ASAP1: variants seen among roughly 807,000 people sequenced by gnomAD.
The protein encoded by ASAP1 is arf-GAP with SH3 domain, ANK repeat and PH domain-containing protein 1.
ASAP1 carries 43 observed loss-of-function variants against 145.2 expected under a neutral mutation model. That is an observed-to-expected ratio of 0.30 (90% CI 0.23 to 0.38). ASAP1 has a LOEUF of 0.38. ASAP1 is among the 10% of genes least tolerant of loss of function. The pLI, the probability that ASAP1 is intolerant of heterozygous loss-of-function variation, is 1.00. For missense variants in ASAP1, 1,018 were observed against 1,355.3 expected (o/e 0.75, Z 3.91); for synonymous variants, 546 against 515.5 (o/e 1.06, Z -0.80).
intron 4 of ASAP1, among the ~76,000 whole-genome samples, chr8:130,219,944 C>A (rs1358961205): frequency 1.3e-5 from 2 of 152,158 alleles, no homozygotes; most frequent in Admixed American, 6.5e-5. Flanking sequence ...CACATGCCAT[C>A]ATGACCGGCT....
rs1451646198 is a variant in ASAP1, at chr8:130,092,741, C to T, written c.2402-598G>A. On this transcript the variant is annotated intron_variant, in intron 24 of 29. Transcript: ENST00000518721. Reference sequence around the variant, plus strand: ...ACAAACACACACACACATCTTAAAACAATAACTCCTTATAACCATCACAGA... The same window carrying T: ...ACAAACACACACACACATCTTAAAATAATAACTCCTTATAACCATCACAGA... 2.6e-5 allele frequency among the ~76,000 whole-genome samples: 4 copies of T among 152,034 alleles called. No homozygotes were observed. The East Asian group carries it at 7.7e-4, about 29-fold the overall frequency.
intron 26 of ASAP1, 124 bp from the exon 27 acceptor site, chr8:130,076,530 CTT>C: frequency 1.3e-6 from 1 of 755,914 alleles, no homozygotes; most frequent in Non-Finnish European, 2.1e-6. Context: ...TCAAAATTTC[CTT>C]TTTTTTTGAG....
chr8:130,384,080 A>T (rs1827901569), intron 2 of ASAP1, among the ~76,000 whole-genome samples: 1 of 152,178 alleles, frequency 6.6e-6, no homozygotes, highest in African/African-American at 2.4e-5. Context: ...TGTAGGATTA[A>T]ATGTGCTACT....
chr8:130,141,692 G>A (rs76746423), intron 13 of ASAP1, among the ~76,000 whole-genome samples: 3,088 of 152,034 alleles, frequency 0.02, 49 homozygotes, highest in East Asian at 0.064. Flanking sequence ...CACTATATGC[G>A]CACGCTACCA....
chr8:130,207,181 G>T (rs558390591), intron 5 of ASAP1, among the ~76,000 whole-genome samples: 1 of 152,114 alleles, frequency 6.6e-6, no homozygotes, highest in South Asian at 2.1e-4. Context: ...TGGAAGGAAT[G>T]GAATCTATAA....
At position 130,128,105 on chromosome 8, in the gene ASAP1, A is replaced by G; in HGVS notation, c.1218-15T>C. On this transcript the variant is annotated splice_polypyrimidine_tract_variant and intron_variant, in intron 15 of 29. Transcript: ENST00000518721. ...CTGATATCCATCTGTTGGTAAAAAC[A>G]TAAGAGGAAAAAAGTCTTTATAAGA... 30 of 1,492,316 alleles carry G rather than the reference A, an allele frequency of 2.0e-5. No homozygotes were observed. The highest frequency in any genetic ancestry group is 2.6e-5 in the Non-Finnish European group (29 of 1,120,400). The allele number at this position is 1,492,316 out of a possible 1,614,324, so 92.4% of individuals were successfully genotyped here.
At chr8:130,097,637 G>A (rs1392446710) in intron 24 of ASAP1, among the ~76,000 whole-genome samples, 4 of 152,238 alleles carry the variant, frequency 2.6e-5, no homozygotes, top group Admixed American at 2.0e-4. Context: ...CACCCAGGCA[G>A]TGTATTGCAG....
intron 3 of ASAP1, among the ~76,000 whole-genome samples, chr8:130,269,304 A>G (rs1319634230): frequency 1.3e-5 from 2 of 152,186 alleles, no homozygotes; most frequent in African/African-American, 4.8e-5. Flanking sequence ...ACCCAGAGAG[A>G]GAAGGCCAAT....
At chr8:130,363,283 T>C (rs1379202343) in intron 2 of ASAP1, among the ~76,000 whole-genome samples, 1 of 152,168 alleles carries the variant, frequency 6.6e-6, no homozygotes, top group East Asian at 1.9e-4. Context: ...CCCAACTACT[T>C]GGGAGGCTGA....
chr8:130,075,461 G>A (rs952921925), intron 27 of ASAP1, among the ~76,000 whole-genome samples: 1 of 152,142 alleles, frequency 6.6e-6, no homozygotes, highest in Non-Finnish European at 1.5e-5. Flanking sequence ...ACTAGGCAAC[G>A]GAGCACTAGA....
chr8:130,228,700 T>TA (rs34562395), intron 4 of ASAP1, among the ~76,000 whole-genome samples: 1,503 of 129,094 alleles, frequency 0.012, 29 homozygotes, highest in African/African-American at 0.04. Context: ...GACCCTGTCT[T>TA]AAAAAAAAAA....
intron 3 of ASAP1, among the ~76,000 whole-genome samples, chr8:130,327,224 CTGGTGAT>C (rs1565211687): frequency 6.6e-6 from 1 of 152,214 alleles, no homozygotes; most frequent in Non-Finnish European, 1.5e-5. Context: ...ATGTGAACAG[CTGGTGAT>C]ACTATGGCCC....
intron 15 of ASAP1, among the ~76,000 whole-genome samples, chr8:130,131,037 G>A (rs1474649822): frequency 1.3e-5 from 2 of 152,112 alleles, no homozygotes; most frequent in Non-Finnish European, 2.9e-5. Context: ...CGCGCCTGTA[G>A]TTCCAGGTAC....
intron 27 of ASAP1, among the ~76,000 whole-genome samples, chr8:130,073,117 T>G (rs766493240): frequency 1.3e-5 from 2 of 150,772 alleles, no homozygotes; most frequent in Non-Finnish European, 3.0e-5. Flanking sequence ...AATACTTTGG[T>G]AGGAGATAGA....
At chr8:130,141,736 G>C (rs1247843269) in intron 13 of ASAP1, among the ~76,000 whole-genome samples, 1 of 152,032 alleles carries the variant, frequency 6.6e-6, no homozygotes, top group Admixed American at 6.6e-5. Flanking sequence ...GTATTTTTTA[G>C]AGACAGGATT....
chr8:130,105,258 T>C (rs1746888669), intron 24 of ASAP1, among the ~76,000 whole-genome samples: 1 of 152,196 alleles, frequency 6.6e-6, no homozygotes, highest in African/African-American at 2.4e-5. Context: ...AGCAACCATT[T>C]ACATAGCATT....
chr8:130,074,440 AACACACACACACACACACAC>A (rs57005471), intron 27 of ASAP1, among the ~76,000 whole-genome samples: 14 of 119,236 alleles, frequency 1.2e-4, no homozygotes, highest in East Asian at 8.9e-4. Flanking sequence ...CCAAATAGTA[AACACACACACACACACACAC>A]ACACACACAC....
At chr8:130,273,540 G>A (rs1028601909) in intron 3 of ASAP1, among the ~76,000 whole-genome samples, 5 of 152,178 alleles carry the variant, frequency 3.3e-5, no homozygotes, top group African/African-American at 1.2e-4. Flanking sequence ...AAACACAGCA[G>A]CCAGGCTTCT....
chr8:130,118,443 G>C, intron 19 of ASAP1, 46 bp downstream of exon 19: 1 of 1,557,184 alleles, frequency 6.4e-7, no homozygotes, highest in East Asian at 2.3e-5. Context: ...CTTTTAAACT[G>C]ATTTTCCACA....
Sources: gnomAD v4.1 joint callset for allele counts (sites outside exome capture counted in the v4.1 genomes callset) on GRCh38, gnomAD v4.1.1 for gene constraint, MANE v1.5 for transcripts, NCBI Gene and HGNC (gene_info 2026-07-23, HGNC 2026-07-21) for gene names.